BICD1: variants seen among roughly 807,000 people sequenced by gnomAD.
BICD1 encodes BICD cargo adaptor 1, also known as protein bicaudal D homolog 1.
In BICD1, 35 loss-of-function variants were observed where a neutral mutation model predicts 92.5. That is an observed-to-expected ratio of 0.38 (90% CI 0.29 to 0.50). The LOEUF is 0.50. BICD1 is among the 20% of genes least tolerant of loss of function. BICD1 has a pLI of 0.93. For missense variants in BICD1, 950 were observed against 1,189.8 expected (o/e 0.80, Z 2.97); for synonymous variants, 429 against 465.1 (o/e 0.92, Z 1.00).
intron 4 of BICD1, among the ~76,000 whole-genome samples, chr12:32,324,563 G>A (rs535552577): frequency 1.5e-5 from 1 of 66,082 alleles, no homozygotes; most frequent in Non-Finnish European, 3.2e-5. Flanking sequence ...CTACTGTACT[G>A]TACTTTTCTT....
At chr12:32,235,913 G>A (rs189740788) in intron 2 of BICD1, among the ~76,000 whole-genome samples, 2 of 150,170 alleles carry the variant, frequency 1.3e-5, no homozygotes, top group East Asian at 4.0e-4. Flanking sequence ...ATGTTGGCCA[G>A]ACTGGTCTCG....
In BICD1 at chr12:32,338,905, G is replaced by A. The variant is rs1938242760; in HGVS notation, c.2690G>A (p.Gly897Asp). 1.9e-6 allele frequency: 3 copies of A among 1,608,360 alleles called. No homozygotes were observed. The highest frequency in any genetic ancestry group is 2.5e-6 in the Non-Finnish European group (3 of 1,177,772). Residue 897 changes from glycine (G) to aspartate (D), a missense_variant, in exon 8 of 10, where the codon GGC becomes GAC. Around this residue, in one of 5 missense-constraint regions of BICD1, gnomAD observed 179 missense variants for 186.7 expected, o/e 0.96. Coordinates refer to ENST00000652176, the MANE Select transcript of BICD1 (RefSeq NM_001714.4). ...PTSTESFLLK[G>D]PPSMSEFIQG... ...TCCACAGAATCATTTCTTCTGAAGGGCCCCCCTTCCATGAGTGAATTCATC... is the reference window on the plus strand; with the variant it reads ...TCCACAGAATCATTTCTTCTGAAGGACCCCCCTTCCATGAGTGAATTCATC...
chr12:32,272,933 A>G (rs893440539), intron 2 of BICD1, among the ~76,000 whole-genome samples: 1 of 152,244 alleles, frequency 6.6e-6, no homozygotes, highest in Non-Finnish European at 1.5e-5. Flanking sequence ...AAAAACCCAC[A>G]GGACTTTATT....
chr12:32,285,044 G>C (rs1179921298), intron 2 of BICD1, among the ~76,000 whole-genome samples: 1 of 152,128 alleles, frequency 6.6e-6, no homozygotes, highest in African/African-American at 2.4e-5. Context: ...AGTCTAACTG[G>C]AGAATTTTAG....
At chr12:32,342,214 A>ATGTGTG (rs1565684627) in intron 8 of BICD1, among the ~76,000 whole-genome samples, 1 of 137,528 alleles carries the variant, frequency 7.3e-6, no homozygotes, top group African/African-American at 3.0e-5. Context: ...GTATATATAT[A>ATGTGTG]TATATATATA....
intron 1 of BICD1, among the ~76,000 whole-genome samples, chr12:32,144,820 C>A (rs573543710): frequency 6.6e-6 from 1 of 152,320 alleles, no homozygotes; most frequent in Non-Finnish European, 1.5e-5. Flanking sequence ...TTTTCTGATA[C>A]CCCCACTGGA....
At chr12:32,197,340 A>G (rs991772617) in intron 1 of BICD1, among the ~76,000 whole-genome samples, 3 of 152,112 alleles carry the variant, frequency 2.0e-5, no homozygotes, top group Non-Finnish European at 4.4e-5. Flanking sequence ...AAATGTCTAC[A>G]TCTTGAATTT....
chr12:32,326,631 T>A (rs1300308584), intron 4 of BICD1, among the ~76,000 whole-genome samples: 1 of 152,216 alleles, frequency 6.6e-6, no homozygotes, highest in East Asian at 1.9e-4. Flanking sequence ...CTGCCTATAA[T>A]CCTAGTACTT....
At chr12:32,242,842 A>G (rs1420925853) in intron 2 of BICD1, among the ~76,000 whole-genome samples, 3 of 152,172 alleles carry the variant, frequency 2.0e-5, no homozygotes, top group African/African-American at 7.2e-5. Context: ...CTTATTTGCC[A>G]GGGTTTAACA....
chr12:32,369,735 A>T (rs1592728209), intron 9 of BICD1, among the ~76,000 whole-genome samples: 1 of 134,096 alleles, frequency 7.5e-6, no homozygotes, highest in African/African-American at 3.0e-5. Flanking sequence ...CCCGACCTCT[A>T]CCAAATTTTT....
At position 32,121,880 on chromosome 12, in the gene BICD1, C is replaced by T. The variant is rs186729268; in HGVS notation, c.213+14336C>T. The stretch of plus-strand genomic sequence containing the variant: ...CCAGGCTGGAGTGCAATGGTGCAAT[C>T]TCGGCTCACTGCAGCTTTGACTTCC... On this transcript the variant is annotated intron_variant, in intron 1 of 9. Coordinates refer to ENST00000652176, the MANE Select transcript of BICD1 (RefSeq NM_001714.4). Among the ~76,000 whole-genome samples, 688 of 149,944 alleles carry T rather than the reference C, an allele frequency of 4.6e-3. 5 individuals carry two copies. The highest frequency in any genetic ancestry group is 0.016 in the African/African-American group (633 of 40,628).
intron 1 of BICD1, among the ~76,000 whole-genome samples, chr12:32,117,749 TATATA>T (rs1284577550): frequency 4.3e-5 from 4 of 92,368 alleles, no homozygotes; most frequent in African/African-American, 1.2e-4. Context: ...TATATATATA[TATATA>T]TATATTTTTT....
At chr12:32,325,528 A>G (rs1406595162) in intron 4 of BICD1, among the ~76,000 whole-genome samples, 1 of 152,164 alleles carries the variant, frequency 6.6e-6, no homozygotes, top group African/African-American at 2.4e-5. Context: ...CCCATATCAG[A>G]ACCTCGCCAA....
rs1450703800 is a variant in BICD1 at position 32,381,590 on chromosome 12, C to A, written c.*3963C>A. 1.3e-5 allele frequency: 2 copies of A among 152,082 alleles called. No homozygotes were observed. The highest frequency in any genetic ancestry group is 2.9e-5 in the Non-Finnish European group (2 of 67,972). The allele number at this position is 152,082 out of a possible 1,614,324, so 9.4% of individuals were successfully genotyped here. On this transcript the variant is annotated 3_prime_UTR_variant, in exon 10 of 10. Transcript: ENST00000652176. ...ACATGAAAAGGAAGAAATGAAATAT[C>A]TTTTCTTCTGGGATGAGTGTCAATT... is the stretch of plus-strand genomic sequence containing the variant.
At chr12:32,122,551 G>T (rs1009396148) in intron 1 of BICD1, among the ~76,000 whole-genome samples, 6 of 151,638 alleles carry the variant, frequency 4.0e-5, no homozygotes, top group African/African-American at 1.5e-4. Flanking sequence ...GCATTCTCAG[G>T]TCTTCTATCT....
chr12:32,181,767 C>A (rs1798593), intron 1 of BICD1, among the ~76,000 whole-genome samples: 151,689 of 152,094 alleles, frequency 1, 75,648 homozygotes, highest in Middle Eastern at 1. Context: ...TGCTTATTAT[C>A]ATTTTAACAG....
chr12:32,229,059 G>A (rs902175531), intron 2 of BICD1, among the ~76,000 whole-genome samples: 19 of 152,048 alleles, frequency 1.2e-4, no homozygotes, highest in African/African-American at 3.9e-4. Context: ...AGACGAGCCT[G>A]GCTAACATGA....
intron 3 of BICD1, among the ~76,000 whole-genome samples, chr12:32,298,918 C>T (rs1947957756): frequency 6.7e-6 from 1 of 148,210 alleles, no homozygotes; most frequent in Admixed American, 6.7e-5. Context: ...TCATAAAAGA[C>T]CTAGGAAATG....
chr12:32,241,202 T>C (rs1946227090), intron 2 of BICD1, among the ~76,000 whole-genome samples: 1 of 152,228 alleles, frequency 6.6e-6, no homozygotes, highest in Non-Finnish European at 1.5e-5. Context: ...TGTGCTGTAT[T>C]TTAATTGGCT....
Sources: gnomAD v4.1 joint callset for allele counts (sites outside exome capture counted in the v4.1 genomes callset) on GRCh38, gnomAD v4.1.1 for gene constraint, gnomAD v4.1.1 regional missense constraint, MANE v1.5 for transcripts, NCBI Gene and HGNC (gene_info 2026-07-23, HGNC 2026-07-21) for gene names.